Variants in SCAF1 observed in about 807,000 individuals in gnomAD.
The protein encoded by SCAF1 is SR-related CTD associated factor 1, also known as splicing factor, arginine/serine-rich 19.
SCAF1 carries 28 observed loss-of-function variants against 91.2 expected under a neutral mutation model. That is an observed-to-expected ratio of 0.31 (90% CI 0.23 to 0.42). SCAF1 has a LOEUF of 0.42. Among genes scored for constraint, SCAF1 ranks in the 10% least tolerant of loss-of-function variants. SCAF1 has a pLI of 1.00. For synonymous variants in SCAF1, 1,036 were observed against 833.7 expected, an observed-to-expected ratio of 1.24 and a Z score of -4.18; for missense variants, 1,893 against 1,872.1, an observed-to-expected ratio of 1.01 and a Z score of -0.21.
Position 49,652,811 on chromosome 19 carries a change from C to T in SCAF1, c.2422C>T (p.Pro808Ser), listed in dbSNP as rs763372028. ...PKESAPSSGP[P>S]PKPPVSSGSG... ...GGAGTCGGCGCCTTCCTCAGGGCCC[C>T]CGCCAAAGCCACCAGTCAGCAGCGG... The change falls in exon 7 of 11, where the codon CCG becomes TCG. Residue 808 changes from proline to serine, a missense_variant. Pro to Ser is a moderately conservative substitution (Grantham distance 74). Coordinates refer to ENST00000360565, the MANE Select transcript of SCAF1 (RefSeq NM_021228.3). The T allele has an allele frequency of 9.3e-6, 15 of 1,613,810 alleles. No homozygotes were observed. The highest frequency in any genetic ancestry group is 1.0e-5 in the Non-Finnish European group (12 of 1,179,984).
In SCAF1 at chr19:49,651,199, A is replaced by AGAG; in HGVS notation, c.819_821dup (p.Glu282dup). Reference sequence around the variant, plus strand: ...CGGGGACCCCCTCACCTGAGGAGGAAGAGGAGGAGGAAGAGGAAGAAGAAG... The same window carrying AGAG: ...CGGGGACCCCCTCACCTGAGGAGGAAGAGGAGGAGGAGGAAGAGGAAGAAGAAG... On this transcript the variant is annotated inframe_insertion, in exon 7 of 11. Coordinates refer to ENST00000360565, the MANE Select transcript of SCAF1 (RefSeq NM_021228.3). The AGAG allele has an allele frequency of 6.2e-7, 1 of 1,612,708 alleles. No individual in the cohort carries two copies. Among genetic ancestry groups the AGAG allele is most frequent in the South Asian group, 1.1e-5 (1 of 91,008 alleles).
At position 49,652,032 on chromosome 19, in the gene SCAF1, C is replaced by A; in HGVS notation, c.1643C>A (p.Ser548Ter). The A allele has an allele frequency of 8.1e-7, 1 of 1,228,808 alleles. No homozygotes were observed. The highest frequency in any genetic ancestry group is 1.0e-6 in the Non-Finnish European group (1 of 973,482). The allele number at this position is 1,228,808 out of a possible 1,614,324, so 76.1% of individuals were successfully genotyped here. A position where few individuals can be genotyped will look rare whatever the true frequency, so the allele number is the denominator to read the frequency against. ...GTQPAPPAPA[S>*]PWDSKKHRSR... ...CAGCCAGCGCCGCCCGCCCCGGCCTCGCCCTGGGACTCCAAGAAGCACCGC... is the reference window on the plus strand; with the variant it reads ...CAGCCAGCGCCGCCCGCCCCGGCCTAGCCCTGGGACTCCAAGAAGCACCGC... The change falls in exon 7 of 11, where the codon TCG (serine) becomes TAG (stop). Residue 548 changes from serine to a stop codon, truncating the protein, a stop_gained. Transcript: ENST00000360565. LOFTEE classifies it high-confidence loss of function.
chr19:49,654,986 G>T (rs972459389), intron 9 of SCAF1, 116 bp downstream of exon 9: 2 of 805,152 alleles, frequency 2.5e-6, no homozygotes, highest in Non-Finnish European at 3.8e-6. Context: ...AGACAGGGCC[G>T]TAGAGACCAA....
chr19:49,655,223 A>T (rs985624930), intron 9 of SCAF1, among the ~76,000 whole-genome samples: 2 of 151,654 alleles, frequency 1.3e-5, no homozygotes, highest in African/African-American at 4.9e-5. Context: ...CCGAATGAAA[A>T]CTCAAGAACC....
chr19:49,649,349 C>A (rs1015770863), intron 6 of SCAF1, among the ~76,000 whole-genome samples: 1 of 152,178 alleles, frequency 6.6e-6, no homozygotes, highest in Non-Finnish European at 1.5e-5. Flanking sequence ...ACTGTCCTCA[C>A]CCAGCAGCAG....
Position 49,646,533 on chromosome 19 carries a change from A to T in SCAF1, c.269A>T (p.Asp90Val), listed in dbSNP as rs1257987906. The change falls in exon 5 of 11, where the codon GAC (aspartate) becomes GTC (valine). Residue 90 changes from aspartate (D) to valine (V), a missense_variant. Asp to Val is a radical substitution (Grantham distance 152). Around this residue, in one of 5 missense-constraint regions of SCAF1, gnomAD observed 270 missense variants for 292.5 expected, o/e 0.92. Transcript: ENST00000360565. The surrounding 1 kb of genome is among the most constrained non-coding windows in gnomAD (Gnocchi z 5.6). The part of the protein sequence containing the change: ...SGGTDTATVL[D>V]MATDSFLAGL... ...CTCTCTGGCCTCTTCCAGGTGTTGG[A>T]CATGGCCACGGACAGCTTCCTCGCA... 1.2e-6 allele frequency: 2 copies of T among 1,613,750 alleles called. No homozygotes were observed. The highest frequency in any genetic ancestry group is 2.7e-5 in the African/African-American group (2 of 74,872).
Position 49,651,754 on chromosome 19 carries a change from C to G in SCAF1, c.1365C>G (p.Gly455=). Residue 455 remains glycine, a synonymous_variant, in exon 7 of 11, where the codon GGC becomes GGG. Coordinates refer to ENST00000360565, the MANE Select transcript of SCAF1 (RefSeq NM_021228.3). ...TGTCCCTGCATGCGGAGTCGGACGG[C>G]GAGGGCGCCCTGCAGGTGGACCTAG... ...DFLSLHAESD[G]EGALQVDLGE... The G allele has an allele frequency of 3.0e-6, 4 of 1,326,096 alleles. No homozygotes were observed. Among genetic ancestry groups the G allele is most frequent in the Non-Finnish European group, 3.8e-6 (4 of 1,044,010 alleles). 82.1% of individuals were successfully genotyped at this position (1,326,096 alleles called of 1,614,324 possible).
At position 49,651,662 on chromosome 19, in the gene SCAF1, G is replaced by A. The variant is rs1465354623; in HGVS notation, c.1273G>A (p.Ala425Thr). ...CGCCCGGCCTACACCGGCCGCCTCG[G>A]CCACCCCCACGGCCCAGCCCCTTCC... ...RAARPTPAAS[A>T]TPTAQPLPQP... Residue 425 changes from alanine (A) to threonine (T), a missense_variant, in exon 7 of 11, where the codon GCC becomes ACC. By Grantham distance (58) the Ala-to-Thr change is moderately conservative (BLOSUM62 0). Coordinates refer to ENST00000360565, the MANE Select transcript of SCAF1 (RefSeq NM_021228.3). The A allele has an allele frequency of 7.0e-7, 1 of 1,419,462 alleles. No individual in the cohort carries two copies. Among genetic ancestry groups the A allele is most frequent in the Non-Finnish European group, 9.1e-7 (1 of 1,096,678 alleles). The allele number at this position is 1,419,462 out of a possible 1,614,324, so 87.9% of individuals were successfully genotyped here.
At chr19:49,643,667 A>ATGT (rs1342434496) in intron 1 of SCAF1, among the ~76,000 whole-genome samples, 1 of 152,198 alleles carries the variant, frequency 6.6e-6, no homozygotes, top group Non-Finnish European at 1.5e-5. Context: ...TAGTCAGCAG[A>ATGT]TGTTGATTAA....
chr19:49,649,941 C>G (rs1281427117), intron 6 of SCAF1, among the ~76,000 whole-genome samples: 1 of 152,188 alleles, frequency 6.6e-6, no homozygotes, highest in Non-Finnish European at 1.5e-5. Flanking sequence ...CCCTCTTGAC[C>G]CCTCTCCTTC....
At chr19:49,648,598 A>C (rs899244540) in intron 6 of SCAF1, among the ~76,000 whole-genome samples, 8 of 131,956 alleles carry the variant, frequency 6.1e-5, no homozygotes, top group Non-Finnish European at 9.5e-5. Flanking sequence ...GAAATGATTT[A>C]TCCATTAAGT....
intron 6 of SCAF1, 64 bp from the exon 7 acceptor site, chr19:49,650,804 A>T: frequency 7.4e-7 from 1 of 1,351,920 alleles, no homozygotes; most frequent in Non-Finnish European, 1.0e-6. Flanking sequence ...CGGCTGGGCC[A>T]GCAAGCAGGC....
rs534081764 is a variant in SCAF1, at chr19:49,642,403, G to T, written c.-7+161G>T. ...CCCGGCAGCTGCGGCGAAACCTGGCGCCGAGAGGGGGGCCTTCTCAGGGCC... is the reference window on the plus strand; with the variant it reads ...CCCGGCAGCTGCGGCGAAACCTGGCTCCGAGAGGGGGGCCTTCTCAGGGCC... On this transcript the variant is annotated intron_variant, in intron 1 of 10. Transcript: ENST00000360565. The surrounding 1 kb of genome is among the most constrained non-coding windows in gnomAD (Gnocchi z 4.0). Among the ~76,000 whole-genome samples, 13 of 152,272 alleles carry T rather than the reference G, an allele frequency of 8.5e-5. No homozygotes were observed. The highest frequency in any genetic ancestry group is 3.1e-4 in the African/African-American group (13 of 41,566).
Position 49,645,188 on chromosome 19 carries a change from T to C in SCAF1, c.108+54T>C. ...GGATGGAGGAGCTGGGCATCCACAC[T>C]CCAGGGGCCTGACTCCAGGGCCTGA... On this transcript the variant is annotated intron_variant, in intron 2 of 10. Coordinates refer to ENST00000360565, the MANE Select transcript of SCAF1 (RefSeq NM_021228.3). This position sits in a 1 kb window ranked among gnomAD's most constrained non-coding sequence, Gnocchi z 4.6. The C allele has an allele frequency of 6.4e-7, 1 of 1,555,268 alleles. No homozygotes were observed. The highest frequency in any genetic ancestry group is 8.9e-7 in the Non-Finnish European group (1 of 1,128,802).
chr19:49,648,748 G>A (rs967743122), intron 6 of SCAF1, among the ~76,000 whole-genome samples: 13 of 151,886 alleles, frequency 8.6e-5, no homozygotes, highest in Admixed American at 4.6e-4. Flanking sequence ...CAATGTGAGC[G>A]GATCATGAGG....
chr19:49,657,607 G>T (rs1186193061), intron 9 of SCAF1, among the ~76,000 whole-genome samples, 154 bp from the exon 10 acceptor site: 4 of 152,216 alleles, frequency 2.6e-5, no homozygotes, highest in Non-Finnish European at 5.9e-5. Context: ...TGCAGCAGAG[G>T]GCGCATGGGA....
upstream of SCAF1, among the ~76,000 whole-genome samples, chr19:49,641,243 A>C (rs1384239453): frequency 6.6e-6 from 1 of 152,194 alleles, no homozygotes; most frequent in East Asian, 1.9e-4. Context: ...TCTGAGTGAG[A>C]GGATTCGGAA....
intron 1 of SCAF1, 26 bp from the exon 2 acceptor site, chr19:49,644,995 C>T: frequency 6.4e-7 from 1 of 1,573,838 alleles, no homozygotes; most frequent in Non-Finnish European, 8.7e-7. Context: ...GACCTCCACT[C>T]CAAACTCTCC....
chr19:49,648,932 T>C (rs536223789), intron 6 of SCAF1, among the ~76,000 whole-genome samples: 6 of 144,690 alleles, frequency 4.1e-5, no homozygotes, highest in African/African-American at 1.6e-4. Flanking sequence ...ATCGTGCCAC[T>C]GCACTCCAGC....
Sources: allele counts gnomAD v4.1 joint callset (sites outside exome capture counted in the v4.1 genomes callset), GRCh38; gene constraint gnomAD v4.1.1; regional missense constraint gnomAD v4.1.1; non-coding constraint Gnocchi (gnomAD v3.1); transcripts MANE v1.5; gene names NCBI Gene and HGNC (gene_info 2026-07-23, HGNC 2026-07-21).